FOSL2: variants seen among roughly 807,000 people sequenced by gnomAD.
The protein encoded by FOSL2 is fos-related antigen 2.
Under a neutral mutation model 27.7 loss-of-function variants are expected in FOSL2, and 3 were observed. The observed-to-expected ratio is 0.11, with a 90% confidence interval of 0.05 to 0.28. The LOEUF is 0.28. Ranked by LOEUF, FOSL2 falls within the 10% of genes least tolerant of loss-of-function variation. The pLI, the probability that FOSL2 is intolerant of heterozygous loss-of-function variation, is 1.00. For synonymous variants in FOSL2, 179 were observed against 190.1 expected (o/e 0.94, Z 0.48); for missense variants, 333 against 445.1 (o/e 0.75, Z 2.27).
intron 1 of FOSL2, among the ~76,000 whole-genome samples, chr2:28,401,559 C>A (rs1179565739): frequency 6.6e-6 from 1 of 152,160 alleles, no homozygotes; most frequent in Non-Finnish European, 1.5e-5. Flanking sequence ...AGTGTTGACT[C>A]CCCGCCCCTC....
Position 28,397,806 on chromosome 2 carries a change from C to T in FOSL2, c.102+3984C>T, listed in dbSNP as rs552156062. 2.4e-3 allele frequency among the ~76,000 whole-genome samples: 367 copies of T among 152,346 alleles called. 4 individuals are homozygous for T. The highest frequency in any genetic ancestry group is 6.6e-4 in the Non-Finnish European group (45 of 68,038). ...ACTCAGAAAGGTTTTGCAGTACCCC[C>T]TCTTTTGCAGTTGCTTTCAGCGTAT... On this transcript the variant is annotated intron_variant, in intron 1 of 3. Coordinates refer to ENST00000264716, the MANE Select transcript of FOSL2 (RefSeq NM_005253.4).
intron 1 of FOSL2, among the ~76,000 whole-genome samples, chr2:28,394,356 G>T (rs1053004654): frequency 6.6e-6 from 1 of 152,194 alleles, no homozygotes; most frequent in Non-Finnish European, 1.5e-5. Context: ...TGGAGCGAGG[G>T]CGAGGGCTGC....
At chr2:28,397,226 A>ACG (rs1663864166) in intron 1 of FOSL2, 5 of 151,730 alleles carry the variant, frequency 3.3e-5, no homozygotes, top group Admixed American at 2.0e-4. Context: ...AAAAATAAAA[A>ACG]TAAAAAAAGG....
intron 1 of FOSL2, among the ~76,000 whole-genome samples, chr2:28,394,996 TG>T (rs67662371): frequency 0.15 from 22,989 of 152,042 alleles, 4,520 homozygotes; most frequent in African/African-American, 0.46. Context: ...TTGGATCTGA[TG>T]GGGGGGTCCC....
At position 28,413,539 on chromosome 2, in the gene FOSL2, C is replaced by A. The variant is rs1664252733; in HGVS notation, c.*1091C>A. The A allele has an allele frequency of 2.5e-6, 1 of 398,718 alleles. No individual in the cohort carries two copies. Among genetic ancestry groups the A allele is most frequent in the East Asian group, 3.6e-5 (1 of 28,066 alleles). The allele number at this position is 398,718 out of a possible 1,614,324, so 24.7% of individuals were successfully genotyped here. ...TGCTGCCAGGCAGCCCCTCCCCAAG[C>A]CTCAAAGAAGCATTTGCTGAGGATG... On this transcript the variant is annotated 3_prime_UTR_variant, in exon 4 of 4. Coordinates refer to ENST00000264716, the MANE Select transcript of FOSL2 (RefSeq NM_005253.4).
rs1178515862 is a variant in FOSL2, at chr2:28,396,348, TGA to T, written c.102+2528_102+2529del. On this transcript the variant is annotated intron_variant, in intron 1 of 3. Coordinates refer to ENST00000264716, the MANE Select transcript of FOSL2 (RefSeq NM_005253.4). ...TCTGTTCTTATATATGGCAGGAACT[TGA>T]GGCATGAAAAATATTTCCTGTTCCA... Among the ~76,000 whole-genome samples, 9 of 152,194 alleles carry T rather than the reference TGA, an allele frequency of 5.9e-5. No homozygotes were observed. The South Asian group carries it at 1.9e-3, about 32-fold the overall frequency.
Position 28,412,516 on chromosome 2 carries a change from C to T in FOSL2, c.*68C>T. ...GCTCCTCCTTCCCAGGGACCAGCAC[C>T]TTCAAGCGCTCCAGGGCCGTGAGGG... is the stretch of plus-strand genomic sequence containing the variant. On this transcript the variant is annotated 3_prime_UTR_variant, in exon 4 of 4. Transcript: ENST00000264716. This position sits in a 1 kb window ranked among gnomAD's most constrained non-coding sequence, Gnocchi z 7.1. 3 of 1,543,974 alleles carry T rather than the reference C, an allele frequency of 1.9e-6. No homozygotes were observed. The highest frequency in any genetic ancestry group is 2.6e-6 in the Non-Finnish European group (3 of 1,145,220).
Position 28,413,109 on chromosome 2 carries a change from G to A in FOSL2, c.*661G>A, listed in dbSNP as rs961200838. 5.7e-6 allele frequency: 1 copy of A among 176,968 alleles called. No individual in the cohort carries two copies. Among genetic ancestry groups the A allele is most frequent in the Non-Finnish European group, 1.2e-5 (1 of 84,970 alleles). 11.0% of individuals were successfully genotyped at this position (176,968 alleles called of 1,614,324 possible). The stretch of plus-strand genomic sequence containing the variant: ...CAGCGGGGCTCCCTGAGCTCTCAAG[G>A]AGATGCTGCCATCACTGGGAGGCTC... On this transcript the variant is annotated 3_prime_UTR_variant, in exon 4 of 4. Transcript: ENST00000264716.
intron 1 of FOSL2, among the ~76,000 whole-genome samples, chr2:28,395,002 G>A (rs1663781837): frequency 6.6e-6 from 1 of 152,104 alleles, no homozygotes; most frequent in Non-Finnish European, 1.5e-5. Context: ...CTGATGGGGG[G>A]GTCCCTTGTT....
Position 28,404,034 on chromosome 2 carries a change from G to A in FOSL2, c.103-73G>A. ...CTGTGCTGGTTTTTGCCTCAGCTCT[G>A]TTCAATTATTATTAACTATCCTGTT... is the stretch of plus-strand genomic sequence containing the variant. On this transcript the variant is annotated intron_variant, in intron 1 of 3. Coordinates refer to ENST00000264716, the MANE Select transcript of FOSL2 (RefSeq NM_005253.4). The surrounding 1 kb of genome is among the most constrained non-coding windows in gnomAD (Gnocchi z 4.7). The A allele has an allele frequency of 1.3e-6, 2 of 1,567,936 alleles. No homozygotes were observed. The highest frequency in any genetic ancestry group is 1.7e-6 in the Non-Finnish European group (2 of 1,149,366).
chr2:28,412,613 G>A lies in FOSL2; in HGVS notation c.*165G>A, dbSNP rs1664227925. 6 of 678,888 alleles carry A rather than the reference G, an allele frequency of 8.8e-6. No individual in the cohort carries two copies. Among genetic ancestry groups the A allele is most frequent in the Admixed American group, 2.9e-5 (1 of 34,056 alleles). 42.1% of individuals were successfully genotyped at this position (678,888 alleles called of 1,614,324 possible). A position where few individuals can be genotyped will look rare whatever the true frequency, so the allele number is the denominator to read the frequency against. ...CAGGTGGGACTTAGCAGTGAGTATT[G>A]GAAGACTTGGGTTGATCTCTTAGAA... On this transcript the variant is annotated 3_prime_UTR_variant, in exon 4 of 4. Transcript: ENST00000264716. The surrounding 1 kb of genome is among the most constrained non-coding windows in gnomAD (Gnocchi z 7.1).
Position 28,393,718 on chromosome 2 carries a change from A to G in FOSL2, c.-3A>G. 6.2e-7 allele frequency: 1 copy of G among 1,605,104 alleles called. No homozygotes were observed. The highest frequency in any genetic ancestry group is 8.5e-7 in the Non-Finnish European group (1 of 1,175,536). ...GTTTCCTCTCCGGCCCCCACCGCGG[A>G]TCATGTACCAGGATTATCCCGGGAA... On this transcript the variant is annotated 5_prime_UTR_variant, in exon 1 of 4. Coordinates refer to ENST00000264716, the MANE Select transcript of FOSL2 (RefSeq NM_005253.4). This position sits in a 1 kb window ranked among gnomAD's most constrained non-coding sequence, Gnocchi z 4.6.
At position 28,392,975 on chromosome 2, in the gene FOSL2, G is replaced by A; in HGVS notation, c.-746G>A. On this transcript the variant is annotated 5_prime_UTR_variant, in exon 1 of 4. Transcript: ENST00000264716. ...GAGAGAGAGAGAGAGAGGGAGAGGCGCGGCCGGGCGAGGCGGGCCCGTCCG... is the reference window on the plus strand; with the variant it reads ...GAGAGAGAGAGAGAGAGGGAGAGGCACGGCCGGGCGAGGCGGGCCCGTCCG... The A allele has an allele frequency of 1.5e-6, 1 of 673,820 alleles. No individual in the cohort carries two copies. The highest frequency in any genetic ancestry group is 1.5e-5 in the South Asian group (1 of 64,920). The allele number at this position is 673,820 out of a possible 1,614,324, so 41.7% of individuals were successfully genotyped here.
intron 3 of FOSL2, among the ~76,000 whole-genome samples, chr2:28,409,177 C>A (rs1204045425): frequency 6.6e-6 from 1 of 152,060 alleles, no homozygotes; most frequent in Non-Finnish European, 1.5e-5. Flanking sequence ...ACTGTGGGGG[C>A]TCCTGGGTGA....
rs1255398347 is a variant in FOSL2 at position 28,404,721 on chromosome 2, A to G, written c.354+363A>G. On this transcript the variant is annotated intron_variant, in intron 2 of 3. Coordinates refer to ENST00000264716, the MANE Select transcript of FOSL2 (RefSeq NM_005253.4). The surrounding 1 kb of genome is among the most constrained non-coding windows in gnomAD (Gnocchi z 4.7). ...CAAAAGGGCCATGGGACAAGCAGCC[A>G]ATGAACCCTGGCTGTGAGCTTTTTA... 6.6e-6 allele frequency among the ~76,000 whole-genome samples: 1 copy of G among 152,188 alleles called. No homozygotes were observed.
At chr2:28,394,682 G>C (rs1456625988) in intron 1 of FOSL2, 2 of 152,306 alleles carry the variant, frequency 1.3e-5, no homozygotes, top group African/African-American at 2.4e-5. Flanking sequence ...TGGAGGGATT[G>C]TGCGTGTGAT....
chr2:28,411,901 T>C (rs778375324), intron 3 of FOSL2, 29 bp from the exon 4 acceptor site: 3 of 1,613,944 alleles, frequency 1.9e-6, no homozygotes, highest in South Asian at 2.2e-5. Flanking sequence ...CAGGTTGCTG[T>C]CCCTCACATC....
In FOSL2 at chr2:28,412,915, A is replaced by G. The variant is rs115925640; in HGVS notation, c.*467A>G. ...TTTCACTCCCTCTTGGTTTTTATCA[A>G]ATTTGCCATGACATTTCATCTGGGT... On this transcript the variant is annotated 3_prime_UTR_variant, in exon 4 of 4. Transcript: ENST00000264716. This position sits in a 1 kb window ranked among gnomAD's most constrained non-coding sequence, Gnocchi z 7.1. 624 of 163,490 alleles carry G rather than the reference A, an allele frequency of 3.8e-3. 6 individuals carry two copies. The highest frequency in any genetic ancestry group is 0.014 in the African/African-American group (582 of 41,870). 10.1% of individuals were successfully genotyped at this position (163,490 alleles called of 1,614,324 possible).
chr2:28,393,539 G>A lies in FOSL2; in HGVS notation c.-182G>A. 1.0e-5 allele frequency: 6 copies of A among 573,084 alleles called. No individual in the cohort carries two copies. In the South Asian group the frequency reaches 1.3e-4, roughly 12 times the overall value. The allele number at this position is 573,084 out of a possible 1,614,324, so 35.5% of individuals were successfully genotyped here. A position where few individuals can be genotyped will look rare whatever the true frequency, so the allele number is the denominator to read the frequency against. On this transcript the variant is annotated 5_prime_UTR_variant, in exon 1 of 4. Transcript: ENST00000264716. This position sits in a 1 kb window ranked among gnomAD's most constrained non-coding sequence, Gnocchi z 4.6. ...CTGTAAGGGACGCTCGGGGGACGCTGTTCCTGAGGTGTCGCCGCCTCCCTG... is the reference window on the plus strand; with the variant it reads ...CTGTAAGGGACGCTCGGGGGACGCTATTCCTGAGGTGTCGCCGCCTCCCTG...
Sources: gnomAD v4.1 joint callset for allele counts (sites outside exome capture counted in the v4.1 genomes callset) on GRCh38, gnomAD v4.1.1 for gene constraint, Gnocchi (gnomAD v3.1) non-coding constraint, MANE v1.5 for transcripts, NCBI Gene and HGNC (gene_info 2026-07-23, HGNC 2026-07-21) for gene names.